The following STX8 variants were observed in gnomAD, a reference collection of about 807,000 sequenced individuals.
STX8 encodes the protein syntaxin-8.
Under a neutral mutation model 37.5 loss-of-function variants are expected in STX8, and 23 were observed. The ratio of observed to expected loss-of-function variants is 0.61; its 90% CI spans 0.44 to 0.87. The LOEUF (loss-of-function observed/expected upper bound fraction) is 0.87, where lower values mean the gene tolerates loss of function less well. Ranked by LOEUF, STX8 falls within the 40% of genes least tolerant of loss-of-function variation. The pLI, the probability that STX8 is intolerant of heterozygous loss-of-function variation, is 0.00. For synonymous variants in STX8, 115 were observed against 99.1 expected, an observed-to-expected ratio of 1.16 and a Z score of -0.95; for missense variants, 313 against 284.7, an observed-to-expected ratio of 1.10 and a Z score of -0.71.
At chr17:9,505,193 C>T in intron 4 of STX8, 31 bp from the exon 5 acceptor site, 1 of 1,582,356 alleles carries the variant, frequency 6.3e-7, no homozygotes, top group Non-Finnish European at 8.6e-7. Flanking sequence ...CATGATATAT[C>T]TCAAAACATG....
chr17:9,365,976 AAAAAAC>A (rs1378371929), intron 7 of STX8, among the ~76,000 whole-genome samples: 1 of 152,150 alleles, frequency 6.6e-6, no homozygotes, highest in Non-Finnish European at 1.5e-5. Context: ...CTGTCTTGGA[AAAAAAC>A]AAAAACAAAA....
intron 6 of STX8, among the ~76,000 whole-genome samples, chr17:9,479,628 TA>T (rs1208734332): frequency 6.7e-6 from 1 of 148,726 alleles, no homozygotes; most frequent in African/African-American, 2.4e-5. Context: ...AAATTATATA[TA>T]ATATATATAA....
intron 7 of STX8, among the ~76,000 whole-genome samples, chr17:9,268,458 A>G (rs149229677): frequency 2.0e-5 from 3 of 152,286 alleles, no homozygotes; most frequent in Admixed American, 2.0e-4. Context: ...TGGTATGCAA[A>G]CAGGAGTATT....
chr17:9,480,738 C>T (rs866630311), intron 6 of STX8, among the ~76,000 whole-genome samples: 2 of 152,126 alleles, frequency 1.3e-5, no homozygotes, highest in African/African-American at 4.8e-5. Flanking sequence ...AGCCAAAGTC[C>T]GCTGAATGAA....
At chr17:9,286,565 A>C (rs1908079401) in intron 7 of STX8, among the ~76,000 whole-genome samples, 1 of 152,136 alleles carries the variant, frequency 6.6e-6, no homozygotes. Flanking sequence ...GATAGCTTGT[A>C]AGCTCACGGC....
intron 7 of STX8, among the ~76,000 whole-genome samples, chr17:9,341,705 G>A: frequency 6.6e-6 from 1 of 152,172 alleles, no homozygotes; most frequent in South Asian, 2.1e-4. Flanking sequence ...CTAAAGTGCT[G>A]GGATTACAGG....
intron 7 of STX8, among the ~76,000 whole-genome samples, chr17:9,333,449 A>G (rs144319045): frequency 0.063 from 9,611 of 152,208 alleles, 352 homozygotes; most frequent in East Asian, 0.13. Flanking sequence ...GTGCAGTGGC[A>G]TGATCTCGGC....
At chr17:9,355,418 T>C (rs1324313213) in intron 7 of STX8, among the ~76,000 whole-genome samples, 4 of 149,870 alleles carry the variant, frequency 2.7e-5, no homozygotes, top group East Asian at 2.0e-4. Flanking sequence ...CACTGCAGCC[T>C]TGACCTCCTG....
At position 9,491,933 on chromosome 17, in the gene STX8, A is replaced by G; in HGVS notation, c.449-12T>C. 6.3e-7 allele frequency: 1 copy of G among 1,585,136 alleles called. No homozygotes were observed. The highest frequency in any genetic ancestry group is 1.2e-5 in the South Asian group (1 of 86,956). On this transcript the variant is annotated splice_polypyrimidine_tract_variant and intron_variant, in intron 5 of 7. Coordinates refer to ENST00000306357, the MANE Select transcript of STX8 (RefSeq NM_004853.3). ...GCCTGCGTCCTGTTCTGAAAGAAAA[A>G]AGAAAAATAATTAACTAGAAACTAG...
intron 6 of STX8, among the ~76,000 whole-genome samples, chr17:9,426,034 C>T (rs1218741976): frequency 6.7e-6 from 1 of 149,072 alleles, no homozygotes; most frequent in African/African-American, 2.5e-5. Flanking sequence ...CACTAAAAAG[C>T]ACCCTGTTAA....
At chr17:9,413,835 C>T (rs1419537952) in intron 6 of STX8, among the ~76,000 whole-genome samples, 1 of 152,084 alleles carries the variant, frequency 6.6e-6, no homozygotes, top group Non-Finnish European at 1.5e-5. Context: ...CTTGCAGGGA[C>T]AGCCACAAAT....
chr17:9,341,176 A>C (rs1425028178), intron 7 of STX8, among the ~76,000 whole-genome samples: 1 of 151,928 alleles, frequency 6.6e-6, no homozygotes, highest in East Asian at 1.9e-4. Flanking sequence ...AAATCAGAAG[A>C]GACTGCGATA....
intron 7 of STX8, among the ~76,000 whole-genome samples, chr17:9,312,635 A>G (rs1216140028): frequency 6.6e-6 from 1 of 152,184 alleles, no homozygotes; most frequent in Non-Finnish European, 1.5e-5. Context: ...CGCAAGCTGG[A>G]CTGATTTGTT....
At chr17:9,441,810 G>A (rs926877528) in intron 6 of STX8, among the ~76,000 whole-genome samples, 2 of 151,544 alleles carry the variant, frequency 1.3e-5, no homozygotes, top group Non-Finnish European at 2.9e-5. Context: ...CAAGTAGCTG[G>A]GACTACAGGC....
At chr17:9,388,112 C>T (rs986569039) in intron 6 of STX8, among the ~76,000 whole-genome samples, 1 of 147,686 alleles carries the variant, frequency 6.8e-6, no homozygotes. Context: ...GCTCTTGTTG[C>T]CCAGGCTGGA....
At chr17:9,571,777 TG>T (rs1907700432) in intron 1 of STX8, among the ~76,000 whole-genome samples, 1 of 151,648 alleles carries the variant, frequency 6.6e-6, no homozygotes, top group South Asian at 2.1e-4. Flanking sequence ...TAGCCGGGCA[TG>T]GTGGCGGGTG....
At chr17:9,466,736 C>G (rs73263581) in intron 6 of STX8, among the ~76,000 whole-genome samples, 1 of 152,148 alleles carries the variant, frequency 6.6e-6, no homozygotes, top group Non-Finnish European at 1.5e-5. Context: ...GTTACCAGGA[C>G]AGTGGTGTGG....
rs1406222558 is a variant in STX8 at position 9,441,467 on chromosome 17, C to G, written c.541+50362G>C. ...GTTGCACCACTGCACTCCAACCTGGCACAGAGCGAGACTCCATCTAAAAAA... is the reference window on the plus strand; with the variant it reads ...GTTGCACCACTGCACTCCAACCTGGGACAGAGCGAGACTCCATCTAAAAAA... On this transcript the variant is annotated intron_variant, in intron 6 of 7. Transcript: ENST00000306357. 4.0e-4 allele frequency among the ~76,000 whole-genome samples: 59 copies of G among 149,206 alleles called. 1 individual carries two copies. The highest frequency in any genetic ancestry group is 1.3e-3 in the African/African-American group (52 of 40,510).
intron 7 of STX8, among the ~76,000 whole-genome samples, chr17:9,253,334 T>C (rs750509891): frequency 1.3e-5 from 2 of 151,950 alleles, no homozygotes; most frequent in Non-Finnish European, 2.9e-5. Flanking sequence ...TCTTAGTCCA[T>C]CTTCTTGCCA....
Sources: allele counts gnomAD v4.1 joint callset (sites outside exome capture counted in the v4.1 genomes callset), GRCh38; gene constraint gnomAD v4.1.1; transcripts MANE v1.5; gene names NCBI Gene and HGNC (gene_info 2026-07-23, HGNC 2026-07-21).